SLK: variants seen among roughly 807,000 people sequenced by gnomAD.
SLK encodes STE20 like kinase.
A neutral mutation model predicts 147.7 loss-of-function variants in SLK; 67 were observed. The observed-to-expected ratio is 0.45, with a 90% CI of 0.37 to 0.56. The LOEUF is 0.56. Among genes scored for constraint, SLK ranks in the 20% least tolerant of loss-of-function variants. The probability of loss-of-function intolerance (pLI) is 0.00; values close to 1 mark genes in which losing one functional copy is unlikely to be tolerated. For missense variants in SLK, 1,136 were observed against 1,438.8 expected, an observed-to-expected ratio of 0.79 and a Z score of 3.41; for synonymous variants, 441 against 475.0, an observed-to-expected ratio of 0.93 and a Z score of 0.93.
intron 1 of SLK, among the ~76,000 whole-genome samples, chr10:103,977,072 A>C (rs1301618294): frequency 6.6e-6 from 1 of 151,796 alleles, no homozygotes; most frequent in East Asian, 1.9e-4. Context: ...GTTGAGTGTA[A>C]TTTTTCAGGA....
chr10:104,018,765 G>C lies in SLK; in HGVS notation c.3008-19G>C, dbSNP rs1844497281. 1 of 1,589,502 alleles carries C rather than the reference G, an allele frequency of 6.3e-7. No individual in the cohort carries two copies. The highest frequency in any genetic ancestry group is 1.2e-5 in the South Asian group (1 of 85,952). ...TAAAAAAAGAGCAAAGTGACATTTT[G>C]AAAACTGCTGTCTTCTAGCTCGAGA... is the stretch of plus-strand genomic sequence containing the variant. On this transcript the variant is annotated intron_variant, in intron 14 of 18. Coordinates refer to ENST00000369755, the MANE Select transcript of SLK (RefSeq NM_014720.4).
At chr10:104,005,290 CAT>C (rs1268076194) in intron 9 of SLK, among the ~76,000 whole-genome samples, 1 of 152,002 alleles carries the variant, frequency 6.6e-6, no homozygotes, top group East Asian at 1.9e-4. Context: ...TATAATGTGT[CAT>C]AAAAGCTATA....
At chr10:104,012,565 A>G (rs1169504363) in intron 13 of SLK, among the ~76,000 whole-genome samples, 1 of 152,212 alleles carries the variant, frequency 6.6e-6, no homozygotes, top group Non-Finnish European at 1.5e-5. Context: ...CCCAGTTTAC[A>G]GTTGAGGGAA....
At chr10:103,995,418 CTTTT>C (rs1203139390) in intron 4 of SLK, among the ~76,000 whole-genome samples, 15 of 79,454 alleles carry the variant, frequency 1.9e-4, no homozygotes, top group Admixed American at 1.4e-3. Context: ...TCTTTTCTTT[CTTTT>C]CTTTTTTTTT....
intron 2 of SLK, 111 bp from the exon 3 acceptor site, chr10:103,992,487 T>C (rs1844109996): frequency 2.1e-6 from 2 of 958,776 alleles, no homozygotes; most frequent in Non-Finnish European, 3.1e-6. Flanking sequence ...CATAACCAGA[T>C]TATTTGATAG....
chr10:103,969,541 T>C (rs1359749728), intron 1 of SLK, among the ~76,000 whole-genome samples: 1 of 152,220 alleles, frequency 6.6e-6, no homozygotes, highest in African/African-American at 2.4e-5. Context: ...TGTTTATTTG[T>C]TGAAATGAAA....
intron 18 of SLK, among the ~76,000 whole-genome samples, chr10:104,023,655 C>A (rs1844562959): frequency 1.3e-5 from 2 of 152,150 alleles, no homozygotes; most frequent in Non-Finnish European, 2.9e-5. Context: ...GGCCTTGTGA[C>A]CTTTTTTGGT....
intron 1 of SLK, among the ~76,000 whole-genome samples, chr10:103,974,168 A>G (rs560405395): frequency 6.6e-6 from 1 of 152,076 alleles, no homozygotes; most frequent in East Asian, 1.9e-4. Context: ...TTCTTGTATT[A>G]TTTATTTGAC....
At chr10:104,009,713 G>T (rs1039185164) in intron 12 of SLK, among the ~76,000 whole-genome samples, 1 of 151,956 alleles carries the variant, frequency 6.6e-6, no homozygotes, top group African/African-American at 2.4e-5. Context: ...TTTTTGTTTG[G>T]GGGTAGGAGA....
intron 12 of SLK, 62 bp downstream of exon 12, chr10:104,008,418 CTA>C: frequency 8.5e-7 from 1 of 1,177,690 alleles, no homozygotes; most frequent in Non-Finnish European, 1.2e-6. Context: ...TGTTTTAAGA[CTA>C]TCTAAGGATT....
In SLK at chr10:103,998,915, A is replaced by G. The variant is rs1439395664; in HGVS notation, c.531A>G (p.Ser177=). The change falls in exon 5 of 19, where the codon TCA becomes TCG. Residue 177 remains serine (S), a synonymous_variant. Coordinates refer to ENST00000369755, the MANE Select transcript of SLK (RefSeq NM_014720.4). ...TATTTCAAGCGGATTTTGGAGTATC[A>G]GCTAAAAACACGAGGACAATTCAAA... ...GDIKLADFGV[S]AKNTRTIQRR... is the part of the protein sequence containing the mutation. 4.3e-6 allele frequency: 7 copies of G among 1,611,362 alleles called. No homozygotes were observed. Among genetic ancestry groups the G allele is most frequent in the South Asian group, 2.2e-5 (2 of 90,944 alleles).
Position 104,020,485 on chromosome 10 carries a change from T to C in SLK, c.3322-3T>C. On this transcript the variant is annotated splice_region_variant and splice_polypyrimidine_tract_variant and intron_variant, in intron 16 of 18. Transcript: ENST00000369755. ...ATAGTTTATCTTTTTTTCTTATTTATAGTTTGCTGCACAAGAAGAAAAGAG... is the reference window on the plus strand; with the variant it reads ...ATAGTTTATCTTTTTTTCTTATTTACAGTTTGCTGCACAAGAAGAAAAGAG... 6.2e-7 allele frequency: 1 copy of C among 1,609,942 alleles called. No individual in the cohort carries two copies. Among genetic ancestry groups the C allele is most frequent in the South Asian group, 1.1e-5 (1 of 90,410 alleles).
chr10:104,019,737 A>G lies in SLK; in HGVS notation c.3136A>G (p.Thr1046Ala), dbSNP rs1432682768. ...ATTCTATTTAAAACTTTCATAGGAAACAGAGCAAATGCAGCGTTACAATCA... is the reference window on the plus strand; with the variant it reads ...ATTCTATTTAAAACTTTCATAGGAAGCAGAGCAAATGCAGCGTTACAATCA... ...HQLLKRHEKETEQMQRYNQRL... is the reference protein window; with the variant it reads ...HQLLKRHEKEAEQMQRYNQRL... The change falls in exon 16 of 19, where the codon ACA (threonine) becomes GCA (alanine). Residue 1046 changes from threonine (T) to alanine (A), a missense_variant. Thr to Ala is a moderately conservative substitution (Grantham distance 58). Coordinates refer to ENST00000369755, the MANE Select transcript of SLK (RefSeq NM_014720.4). 3 of 1,612,900 alleles carry G rather than the reference A, an allele frequency of 1.9e-6. No homozygotes were observed. In the East Asian group the frequency reaches 6.7e-5, roughly 36 times the overall value.
intron 18 of SLK, among the ~76,000 whole-genome samples, 158 bp from the exon 19 acceptor site, chr10:104,025,416 G>C (rs1229917019): frequency 6.6e-6 from 1 of 152,132 alleles, no homozygotes; most frequent in Non-Finnish European, 1.5e-5. Context: ...ACATAGGGCT[G>C]TACAAAGCTT....
chr10:103,992,467 A>G (rs1844109578), intron 2 of SLK, 131 bp from the exon 3 acceptor site: 2 of 782,594 alleles, frequency 2.6e-6, no homozygotes, highest in South Asian at 1.8e-5. Context: ...TTCGTTTAGT[A>G]TATCGTTTCC....
chr10:104,017,280 G>C (rs1261040675), intron 13 of SLK, among the ~76,000 whole-genome samples: 1 of 152,130 alleles, frequency 6.6e-6, no homozygotes, highest in Non-Finnish European at 1.5e-5. Flanking sequence ...CCTATCTCCA[G>C]TTTGCATTTC....
At chr10:103,969,067 C>G (rs1477586187) in intron 1 of SLK, among the ~76,000 whole-genome samples, 2 of 152,100 alleles carry the variant, frequency 1.3e-5, no homozygotes, top group Non-Finnish European at 1.5e-5. Context: ...CTCCCGGGTT[C>G]AAGCGATTCT....
intron 1 of SLK, among the ~76,000 whole-genome samples, chr10:103,983,379 C>G (rs1034011640): frequency 1.3e-5 from 2 of 152,158 alleles, no homozygotes; most frequent in Admixed American, 6.5e-5. Flanking sequence ...ATTACCCAAA[C>G]GTTTACTCTA....
At chr10:103,968,908 C>T (rs1355623719) in intron 1 of SLK, among the ~76,000 whole-genome samples, 1 of 152,060 alleles carries the variant, frequency 6.6e-6, no homozygotes, top group East Asian at 1.9e-4. Context: ...CTTCTGAGCC[C>T]ATATTTAGTA....
Sources: gnomAD v4.1 joint callset for allele counts (sites outside exome capture counted in the v4.1 genomes callset) on GRCh38, gnomAD v4.1.1 for gene constraint, MANE v1.5 for transcripts, NCBI Gene and HGNC (gene_info 2026-07-23, HGNC 2026-07-21) for gene names.